Variants in TOX observed in about 807,000 individuals in gnomAD.
The protein encoded by TOX is thymocyte selection-associated high mobility group box protein TOX.
TOX carries 11 observed loss-of-function variants against 53.7 expected under a neutral mutation model. The observed-to-expected ratio is 0.20, with a 90% CI of 0.13 to 0.34. The LOEUF (loss-of-function observed/expected upper bound fraction) is 0.34, where lower values mean the gene tolerates loss of function less well. Among genes scored for constraint, TOX ranks in the 10% least tolerant of loss-of-function variants. The probability of loss-of-function intolerance (pLI) is 1.00; values close to 1 mark genes in which losing one functional copy is unlikely to be tolerated. For synonymous variants in TOX, 225 were observed against 245.3 expected (o/e 0.92, Z 0.77); for missense variants, 570 against 664.6 (o/e 0.86, Z 1.56).
intron 1 of TOX, among the ~76,000 whole-genome samples, chr8:59,111,274 C>T (rs944702704): frequency 5.9e-5 from 9 of 152,034 alleles, no homozygotes; most frequent in Non-Finnish European, 1.3e-4. Flanking sequence ...CTGAGAAAGG[C>T]CTATGGTTTT....
At chr8:59,054,161 A>T (rs1803842717) in intron 1 of TOX, among the ~76,000 whole-genome samples, 1 of 152,220 alleles carries the variant, frequency 6.6e-6, no homozygotes, top group Non-Finnish European at 1.5e-5. Context: ...CATATGCATA[A>T]TGCCAATTTA....
chr8:59,005,371 A>G (rs1813772797), intron 1 of TOX, among the ~76,000 whole-genome samples: 1 of 152,148 alleles, frequency 6.6e-6, no homozygotes, highest in Non-Finnish European at 1.5e-5. Flanking sequence ...AGTTTTTGAA[A>G]ATGATTACAA....
At chr8:59,075,515 C>T (rs1400872423) in intron 1 of TOX, among the ~76,000 whole-genome samples, 1 of 152,178 alleles carries the variant, frequency 6.6e-6, no homozygotes, top group Non-Finnish European at 1.5e-5. Flanking sequence ...TTGAGGTCTT[C>T]ATTTCTTTAT....
chr8:58,822,877 T>TGGGCA (rs1337252378), intron 6 of TOX, among the ~76,000 whole-genome samples: 4 of 152,228 alleles, frequency 2.6e-5, no homozygotes, highest in African/African-American at 9.6e-5. Context: ...ACAGCCACTG[T>TGGGCA]GGGCAAGCCA....
intron 1 of TOX, among the ~76,000 whole-genome samples, chr8:58,985,538 T>G (rs1813311860): frequency 6.6e-6 from 1 of 152,160 alleles, no homozygotes; most frequent in African/African-American, 2.4e-5. Flanking sequence ...TGACTTTCAG[T>G]TTTGCAAGAT....
In TOX at chr8:59,021,481, A is replaced by AAAATATATATAT. The variant is rs59174995; in HGVS notation, c.103-61474_103-61473insATATATATATTT. Among the ~76,000 whole-genome samples the AAAATATATATAT allele has an allele frequency of 2.4e-3, 153 of 64,662 alleles. 2 individuals carry two copies. The highest frequency in any genetic ancestry group is 7.9e-3 in the African/African-American group (148 of 18,824). The allele number at this position is 64,662 out of a possible 152,430, so 42.4% of individuals were successfully genotyped here. A position where few individuals can be genotyped will look rare whatever the true frequency, so the allele number is the denominator to read the frequency against. ...CTACAAGCAAAAAAAAAAAAAAAAA[A>AAAATATATATAT]ATATATATATATATATATGCACATA... On this transcript the variant is annotated intron_variant, in intron 1 of 8. Coordinates refer to ENST00000361421, the MANE Select transcript of TOX (RefSeq NM_014729.3).
At chr8:59,071,060 A>T (rs1247390322) in intron 1 of TOX, among the ~76,000 whole-genome samples, 1 of 152,188 alleles carries the variant, frequency 6.6e-6, no homozygotes, top group African/African-American at 2.4e-5. Context: ...ATAAATTGCA[A>T]TTTGGTGTAA....
intron 3 of TOX, among the ~76,000 whole-genome samples, chr8:58,854,987 T>C (rs910286575): frequency 2.6e-5 from 4 of 152,200 alleles, no homozygotes; most frequent in African/African-American, 4.8e-5. Context: ...TGTAAAGATA[T>C]TGATTGACTA....
chr8:59,079,608 G>C (rs902679638), intron 1 of TOX, among the ~76,000 whole-genome samples: 12 of 152,194 alleles, frequency 7.9e-5, no homozygotes, highest in Non-Finnish European at 7.3e-5. Context: ...AATGAGGCTT[G>C]GTACCCTCCA....
At chr8:58,963,345 A>G (rs1437505859) in intron 1 of TOX, among the ~76,000 whole-genome samples, 2 of 152,136 alleles carry the variant, frequency 1.3e-5, no homozygotes, top group Non-Finnish European at 2.9e-5. Flanking sequence ...ATAGATAGGT[A>G]GATAGATAGA....
intron 1 of TOX, among the ~76,000 whole-genome samples, chr8:59,012,547 A>G (rs1361502992): frequency 6.6e-6 from 1 of 152,142 alleles, no homozygotes; most frequent in Non-Finnish European, 1.5e-5. Flanking sequence ...TTCTTGAAAA[A>G]AGAAAATAAT....
intron 1 of TOX, among the ~76,000 whole-genome samples, chr8:58,983,336 C>G (rs1030770021): frequency 4.6e-5 from 7 of 152,174 alleles, no homozygotes; most frequent in African/African-American, 1.7e-4. Context: ...AGTAGGTCAG[C>G]AAAGGGGCCT....
chr8:59,021,780 T>A (rs568108190), intron 1 of TOX, among the ~76,000 whole-genome samples: 2 of 152,106 alleles, frequency 1.3e-5, no homozygotes, highest in African/African-American at 4.8e-5. Flanking sequence ...ATCAAAATCA[T>A]GATTGAAATT....
intron 1 of TOX, among the ~76,000 whole-genome samples, chr8:59,008,611 A>G (rs903040064): frequency 6.6e-6 from 1 of 152,050 alleles, no homozygotes; most frequent in Non-Finnish European, 1.5e-5. Flanking sequence ...CCCATGAGTC[A>G]TTGGTCTGGA....
At chr8:58,886,163 T>C (rs972180326) in intron 3 of TOX, among the ~76,000 whole-genome samples, 19 of 152,184 alleles carry the variant, frequency 1.2e-4, no homozygotes, top group African/African-American at 4.6e-4. Flanking sequence ...CATGTTTCTG[T>C]CTAGATGTGA....
intron 3 of TOX, among the ~76,000 whole-genome samples, chr8:58,863,278 C>T (rs1811040722): frequency 6.6e-6 from 1 of 152,180 alleles, no homozygotes; most frequent in African/African-American, 2.4e-5. Context: ...TAACTGTCCT[C>T]ATATCAGTTT....
intron 1 of TOX, among the ~76,000 whole-genome samples, chr8:58,990,606 A>C (rs565426798): frequency 1.3e-5 from 2 of 152,200 alleles, no homozygotes; most frequent in Admixed American, 1.3e-4. Context: ...CATCAACACC[A>C]AAATTCTACA....
chr8:58,811,477 G>A (rs995569747), intron 7 of TOX, among the ~76,000 whole-genome samples: 1 of 152,192 alleles, frequency 6.6e-6, no homozygotes, highest in Non-Finnish European at 1.5e-5. Context: ...GAAAAAGCCT[G>A]CAGCACAACC....
At chr8:59,005,445 T>C (rs1813774108) in intron 1 of TOX, among the ~76,000 whole-genome samples, 1 of 151,886 alleles carries the variant, frequency 6.6e-6, no homozygotes, top group African/African-American at 2.4e-5. Flanking sequence ...AAAAGGGAGG[T>C]CTATTCACTT....
Sources: gnomAD v4.1 joint callset for allele counts (sites outside exome capture counted in the v4.1 genomes callset) on GRCh38, gnomAD v4.1.1 for gene constraint, MANE v1.5 for transcripts, NCBI Gene and HGNC (gene_info 2026-07-23, HGNC 2026-07-21) for gene names.